Variants in TTC17 observed in about 807,000 individuals in gnomAD.
TTC17 encodes tetratricopeptide repeat domain 17.
In TTC17, 58 loss-of-function variants were observed where a neutral mutation model predicts 143.8. The ratio of observed to expected loss-of-function variants is 0.40; its 90% confidence interval spans 0.33 to 0.50. The LOEUF (loss-of-function observed/expected upper bound fraction) is 0.50. Among genes scored for constraint, TTC17 ranks in the 20% least tolerant of loss-of-function variants. The pLI, the probability that TTC17 is intolerant of heterozygous loss-of-function variation, is 0.49. For synonymous variants in TTC17, 501 were observed against 497.8 expected (o/e 1.01, Z -0.09); for missense variants, 1,273 against 1,392.5 (o/e 0.91, Z 1.37).
intron 21 of TTC17, among the ~76,000 whole-genome samples, chr11:43,459,257 A>G (rs1418241628): frequency 1.3e-5 from 2 of 152,228 alleles, no homozygotes; most frequent in African/African-American, 4.8e-5. Context: ...TGTGAAATCC[A>G]TCTGCCTATA....
intron 1 of TTC17, among the ~76,000 whole-genome samples, chr11:43,367,876 C>T (rs908704480): frequency 2.0e-5 from 3 of 152,178 alleles, no homozygotes; most frequent in Non-Finnish European, 4.4e-5. Context: ...AGAGCCTATG[C>T]TCAGTTCTCA....
intron 21 of TTC17, among the ~76,000 whole-genome samples, chr11:43,487,180 C>G (rs571820998): frequency 2.0e-5 from 3 of 152,296 alleles, no homozygotes; most frequent in East Asian, 1.9e-4. Context: ...GAATCTCACT[C>G]TGTCACCCAG....
At chr11:43,430,713 A>ACACACG (rs1947137071) in intron 16 of TTC17, among the ~76,000 whole-genome samples, 1 of 120,252 alleles carries the variant, frequency 8.3e-6, no homozygotes, top group African/African-American at 2.9e-5. Flanking sequence ...ATACACGCAC[A>ACACACG]CACACACACA....
At chr11:43,433,592 A>G (rs1947210898) in intron 16 of TTC17, among the ~76,000 whole-genome samples, 1 of 152,202 alleles carries the variant, frequency 6.6e-6, no homozygotes, top group Non-Finnish European at 1.5e-5. Flanking sequence ...ATTTAGCTTC[A>G]GGGTCCCTTG....
chr11:43,383,140 T>C (rs1857037072), intron 2 of TTC17, among the ~76,000 whole-genome samples: 1 of 152,030 alleles, frequency 6.6e-6, no homozygotes, highest in South Asian at 2.1e-4. Context: ...CAAGCAGTCC[T>C]CCCACCTTGG....
At chr11:43,488,018 A>T (rs958456261) in intron 21 of TTC17, among the ~76,000 whole-genome samples, 7 of 152,230 alleles carry the variant, frequency 4.6e-5, no homozygotes, top group African/African-American at 1.7e-4. Flanking sequence ...ATTCTGAGGT[A>T]CAGGGGATTG....
chr11:43,370,247 G>A (rs1025936736), intron 1 of TTC17: 4 of 338,626 alleles, frequency 1.2e-5, no homozygotes, highest in African/African-American at 6.4e-5. Context: ...TTCTGCCTGC[G>A]TCATTCCATC....
intron 21 of TTC17, among the ~76,000 whole-genome samples, chr11:43,481,632 A>T (rs1948289383): frequency 6.6e-6 from 1 of 151,790 alleles, no homozygotes; most frequent in African/African-American, 2.4e-5. Context: ...GGATTTGTTT[A>T]TTTCATCTAA....
At chr11:43,434,734 C>T (rs1947246416) in intron 16 of TTC17, among the ~76,000 whole-genome samples, 1 of 152,154 alleles carries the variant, frequency 6.6e-6, no homozygotes, top group South Asian at 2.1e-4. Context: ...TACTGTCTCC[C>T]CAAGTTGTTT....
At chr11:43,430,947 C>G (rs554548094) in intron 16 of TTC17, among the ~76,000 whole-genome samples, 21 of 152,116 alleles carry the variant, frequency 1.4e-4, no homozygotes, top group Non-Finnish European at 2.5e-4. Flanking sequence ...GCCACCACCC[C>G]CTGATGTGTG....
At chr11:43,412,463 A>G (rs1170500500) in intron 15 of TTC17, among the ~76,000 whole-genome samples, 1 of 152,202 alleles carries the variant, frequency 6.6e-6, no homozygotes, top group Non-Finnish European at 1.5e-5. Flanking sequence ...TCTCAAAAAA[A>G]GGAAATAAAG....
At chr11:43,381,755 T>G (rs973109220) in intron 2 of TTC17, among the ~76,000 whole-genome samples, 1 of 152,050 alleles carries the variant, frequency 6.6e-6, no homozygotes, top group African/African-American at 2.4e-5. Context: ...CACAAAACTA[T>G]GAGACCTAGA....
At chr11:43,426,660 A>G (rs1947035676) in intron 16 of TTC17, among the ~76,000 whole-genome samples, 1 of 152,162 alleles carries the variant, frequency 6.6e-6, no homozygotes, top group Admixed American at 6.5e-5. Flanking sequence ...CTAGTGCTTG[A>G]TCTTTTTCCT....
At chr11:43,380,544 C>T (rs529837936) in intron 2 of TTC17, among the ~76,000 whole-genome samples, 53 of 151,800 alleles carry the variant, frequency 3.5e-4, no homozygotes, top group African/African-American at 1.1e-3. Flanking sequence ...CATGAGTCAC[C>T]GTGCCCGGCC....
rs1182058060 is a variant in TTC17, at chr11:43,414,717, T to C, written c.2192T>C (p.Leu731Ser). The C allele has an allele frequency of 6.2e-7, 1 of 1,613,684 alleles. No individual in the cohort carries two copies. Among genetic ancestry groups the C allele is most frequent in the Non-Finnish European group, 8.5e-7 (1 of 1,179,808 alleles). Reference sequence around the variant, plus strand: ...CCAGAGTGTGAAAACAGCCTGAAGTTGATCCGCTGTATGCAGTTTTATCCT... The same window carrying C: ...CCAGAGTGTGAAAACAGCCTGAAGTCGATCCGCTGTATGCAGTTTTATCCT... ...KCPECENSLK[L>S]IRCMQFYPFL... Residue 731 changes from leucine to serine, a missense_variant, in exon 16 of 24, where the codon TTG becomes TCG. Physicochemically the swap from Leu to Ser is moderately radical, Grantham distance 145. Around this residue, in one of 3 missense-constraint regions of TTC17, gnomAD observed 878 missense variants for 899.8 expected, o/e 0.98. Coordinates refer to ENST00000039989, the MANE Select transcript of TTC17 (RefSeq NM_018259.6).
intron 2 of TTC17, among the ~76,000 whole-genome samples, chr11:43,381,041 T>C (rs562635832): frequency 2.4e-4 from 36 of 152,240 alleles, no homozygotes; most frequent in African/African-American, 8.4e-4. Flanking sequence ...GGCAGTATTA[T>C]ATAAAGAGAA....
At chr11:43,397,537 C>CTTTTT (rs376723044) in intron 7 of TTC17, 46 bp downstream of exon 7, 16 of 1,216,120 alleles carry the variant, frequency 1.3e-5, no homozygotes, top group African/African-American at 5.0e-5. Context: ...TTGCCACTTT[C>CTTTTT]TTTTTTTTTT....
At chr11:43,481,544 T>A (rs1411914907) in intron 21 of TTC17, among the ~76,000 whole-genome samples, 1 of 152,210 alleles carries the variant, frequency 6.6e-6, no homozygotes, top group Non-Finnish European at 1.5e-5. Flanking sequence ...ATTATAGCTC[T>A]AATATCTTTA....
intron 16 of TTC17, among the ~76,000 whole-genome samples, chr11:43,437,566 C>T (rs1347500080): frequency 1.3e-5 from 2 of 152,088 alleles, no homozygotes; most frequent in Non-Finnish European, 2.9e-5. Flanking sequence ...TCTTCCTGAG[C>T]CTTTCTTACC....
Sources: allele counts gnomAD v4.1 joint callset (sites outside exome capture counted in the v4.1 genomes callset), GRCh38; gene constraint gnomAD v4.1.1; regional missense constraint gnomAD v4.1.1; transcripts MANE v1.5; gene names NCBI Gene and HGNC (gene_info 2026-07-23, HGNC 2026-07-21).